Variants in CCDC93 observed in about 807,000 individuals in gnomAD.
CCDC93 encodes the protein coiled-coil domain-containing protein 93.
CCDC93 carries 61 observed loss-of-function variants against 108.2 expected under a neutral mutation model. The ratio of observed to expected loss-of-function variants is 0.56; its 90% confidence interval spans 0.46 to 0.70. The LOEUF (loss-of-function observed/expected upper bound fraction) is 0.70, where lower values mean the gene tolerates loss of function less well. CCDC93 is among the 30% of genes least tolerant of loss of function. CCDC93 has a pLI of 0.00. For synonymous variants in CCDC93, 276 were observed against 260.4 expected, an observed-to-expected ratio of 1.06 and a Z score of -0.58; for missense variants, 685 against 764.2, an observed-to-expected ratio of 0.90 and a Z score of 1.22.
At chr2:118,001,859 G>A (rs763346639) in intron 3 of CCDC93, among the ~76,000 whole-genome samples, 1 of 152,190 alleles carries the variant, frequency 6.6e-6, no homozygotes, top group Non-Finnish European at 1.5e-5. Flanking sequence ...CTCTAGCTAT[G>A]TGATTCCTGT....
chr2:117,930,823 C>G lies in CCDC93; in HGVS notation c.1842+214G>C. The G allele has an allele frequency of 4.3e-6, 2 of 462,248 alleles. 1 individual carries two copies. The highest frequency in any genetic ancestry group is 7.8e-5 in the South Asian group (2 of 25,480). 28.6% of individuals were successfully genotyped at this position (462,248 alleles called of 1,614,324 possible). A position where few individuals can be genotyped will look rare whatever the true frequency, so the allele number is the denominator to read the frequency against. On this transcript the variant is annotated intron_variant, in intron 23 of 23. Transcript: ENST00000376300. ...TAGGAAAACTAAAGTGATGTGATGT[C>G]TTAAAACATTTAATTAGACCTCAAG...
chr2:117,923,836 T>G (rs1677977454), intron 23 of CCDC93, among the ~76,000 whole-genome samples: 1 of 5,970 alleles, frequency 1.7e-4, no homozygotes, highest in Non-Finnish European at 3.1e-4. Context: ...TGCTTCCTCA[T>G]GTGGTCCCTG....
chr2:117,994,359 A>T (rs1334150497), intron 6 of CCDC93, among the ~76,000 whole-genome samples: 1 of 152,178 alleles, frequency 6.6e-6, no homozygotes, highest in African/African-American at 2.4e-5. Context: ...CCAAATCTGA[A>T]AACAGTATCT....
chr2:117,925,264 C>T (rs1335656981), intron 23 of CCDC93, among the ~76,000 whole-genome samples: 4 of 152,114 alleles, frequency 2.6e-5, no homozygotes, highest in Admixed American at 2.0e-4. Context: ...CAAATTCACA[C>T]ATAACAATAT....
chr2:117,975,398 A>G, intron 8 of CCDC93, 118 bp from the exon 9 acceptor site: 7 of 736,912 alleles, frequency 9.5e-6, no homozygotes, highest in Non-Finnish European at 1.6e-5. Context: ...GAGCAGCAGC[A>G]TCCTGAGAGA....
intron 18 of CCDC93, among the ~76,000 whole-genome samples, chr2:117,941,584 C>G (rs1269249369): frequency 6.6e-6 from 1 of 152,082 alleles, no homozygotes; most frequent in Non-Finnish European, 1.5e-5. Flanking sequence ...ATGGACAGAG[C>G]CGGCAGCTAC....
At chr2:117,953,478 A>G (rs1426324586) in intron 12 of CCDC93, among the ~76,000 whole-genome samples, 3 of 152,188 alleles carry the variant, frequency 2.0e-5, no homozygotes, top group Admixed American at 6.5e-5. Context: ...ACTGGGAGAT[A>G]AGGGTACTCT....
At chr2:117,962,219 T>C (rs1679419781) in intron 11 of CCDC93, among the ~76,000 whole-genome samples, 1 of 152,234 alleles carries the variant, frequency 6.6e-6, no homozygotes, top group Non-Finnish European at 1.5e-5. Context: ...TTCTCTCCTA[T>C]ATCATCTCCC....
intron 6 of CCDC93, 104 bp downstream of exon 6, chr2:117,995,342 A>G: frequency 1.1e-6 from 1 of 896,930 alleles, no homozygotes; most frequent in Non-Finnish European, 1.8e-6. Context: ...CTCCTAAGCG[A>G]TCCCCGTAGA....
Position 117,995,077 on chromosome 2 carries a change from AAAGCCATC to A in CCDC93, c.519+361_519+368del, listed in dbSNP as rs557919771. Among the ~76,000 whole-genome samples, 258 of 152,318 alleles carry A rather than the reference AAAGCCATC, an allele frequency of 1.7e-3. 1 individual carries two copies. Among genetic ancestry groups the A allele is most frequent in the African/African-American group, 6.0e-3 (249 of 41,570 alleles). On this transcript the variant is annotated intron_variant, in intron 6 of 23. Transcript: ENST00000376300. Reference sequence around the variant, plus strand: ...AGCTCAGAGGCTACTCTGTCTATGCAAAGCCATCAAGGGGGTGGGGGACAGAAACCTCA... The same window carrying A: ...AGCTCAGAGGCTACTCTGTCTATGCAAAGGGGGTGGGGGACAGAAACCTCA...
chr2:118,008,146 A>G (rs1676928662), intron 2 of CCDC93, among the ~76,000 whole-genome samples: 1 of 152,124 alleles, frequency 6.6e-6, no homozygotes, highest in Non-Finnish European at 1.5e-5. Flanking sequence ...TCTCTCTCTC[A>G]TCCTAAATCA....
chr2:117,949,817 A>G (rs1385796310), intron 13 of CCDC93: 1 of 985,284 alleles, frequency 1.0e-6, no homozygotes, highest in African/African-American at 1.7e-5. Flanking sequence ...CCAGACTATT[A>G]CATTAGAACA....
chr2:117,935,422 C>T, intron 22 of CCDC93, 73 bp downstream of exon 22: 1 of 1,092,842 alleles, frequency 9.2e-7, no homozygotes, highest in Non-Finnish European at 1.4e-6. Flanking sequence ...CCAGAAGAGG[C>T]CTTTTCTTCC....
chr2:117,931,246 G>A, intron 22 of CCDC93, 96 bp from the exon 23 acceptor site: 2 of 787,246 alleles, frequency 2.5e-6, no homozygotes, highest in East Asian at 2.5e-5. Context: ...ACAGTTTCAT[G>A]GATTTCCTTA....
chr2:117,960,885 A>G (rs1679370815), intron 11 of CCDC93, among the ~76,000 whole-genome samples: 1 of 152,204 alleles, frequency 6.6e-6, no homozygotes, highest in Non-Finnish European at 1.5e-5. Flanking sequence ...GCTCATTATA[A>G]TTTGTAAGTA....
intron 17 of CCDC93, chr2:117,944,890 CCTATCT>C (rs1333080934): frequency 1.3e-5 from 6 of 455,528 alleles, no homozygotes; most frequent in Non-Finnish European, 2.7e-5. Flanking sequence ...CACTTCCTTT[CCTATCT>C]CTTTCTTCTG....
At chr2:118,013,065 C>T (rs1029302234) in intron 1 of CCDC93, 5 of 152,214 alleles carry the variant, frequency 3.3e-5, no homozygotes, top group African/African-American at 1.2e-4. Flanking sequence ...ATCCAGTAAA[C>T]TAGACTAGCC....
At position 117,949,214 on chromosome 2, in the gene CCDC93, C is replaced by T. The variant is rs1192498956; in HGVS notation, c.1142+108G>A. On this transcript the variant is annotated intron_variant, in intron 14 of 23. Transcript: ENST00000376300. Reference sequence around the variant, plus strand: ...AATGATCTGACCTGCAGGGGCCAGACCAATAGCCTTTGGCTGCTTTGTTCT... The same window carrying T: ...AATGATCTGACCTGCAGGGGCCAGATCAATAGCCTTTGGCTGCTTTGTTCT... 8 of 768,618 alleles carry T rather than the reference C, an allele frequency of 1.0e-5. No homozygotes were observed. In the East Asian group the frequency reaches 1.7e-4, roughly 17 times the overall value. The allele number at this position is 768,618 out of a possible 1,614,324, so 47.6% of individuals were successfully genotyped here. A position where few individuals can be genotyped will look rare whatever the true frequency, so the allele number is the denominator to read the frequency against.
At chr2:117,980,735 G>A (rs1292883651) in intron 7 of CCDC93, among the ~76,000 whole-genome samples, 1 of 152,228 alleles carries the variant, frequency 6.6e-6, no homozygotes, top group South Asian at 2.1e-4. Flanking sequence ...ATTTCAAAGT[G>A]TATTGCTCAC....
Sources: gnomAD v4.1 joint callset for allele counts (sites outside exome capture counted in the v4.1 genomes callset) on GRCh38, gnomAD v4.1.1 for gene constraint, MANE v1.5 for transcripts, NCBI Gene and HGNC (gene_info 2026-07-23, HGNC 2026-07-21) for gene names.